Variants in ARHGAP10 observed in about 807,000 individuals in gnomAD.
ARHGAP10 encodes Rho GTPase activating protein 10.
Under a neutral mutation model 108.6 loss-of-function variants are expected in ARHGAP10, and 87 were observed. The ratio of observed to expected loss-of-function variants is 0.80; its 90% CI spans 0.67 to 0.96. The LOEUF is 0.96. Among genes scored for constraint, ARHGAP10 ranks in the 40% least tolerant of loss-of-function variants. The pLI, the probability that ARHGAP10 is intolerant of heterozygous loss-of-function variation, is 0.00. For synonymous variants in ARHGAP10, 347 were observed against 341.1 expected (o/e 1.02, Z -0.19); for missense variants, 939 against 954.5 (o/e 0.98, Z 0.21).
At chr4:147,956,749 CCT>C (rs1491175943) in intron 16 of ARHGAP10, among the ~76,000 whole-genome samples, 1 of 144,248 alleles carries the variant, frequency 6.9e-6, no homozygotes, top group Non-Finnish European at 1.5e-5. Flanking sequence ...TTTTTTTTTT[CCT>C]TTTTTTTTTT....
intron 10 of ARHGAP10, among the ~76,000 whole-genome samples, chr4:147,895,809 G>T (rs1735973814): frequency 6.6e-6 from 1 of 152,120 alleles, no homozygotes; most frequent in Non-Finnish European, 1.5e-5. Context: ...GGTGTTATTG[G>T]CCATCTTGCC....
At chr4:147,975,779 T>C (rs1371927888) in intron 18 of ARHGAP10, among the ~76,000 whole-genome samples, 1 of 152,252 alleles carries the variant, frequency 6.6e-6, no homozygotes, top group Admixed American at 6.5e-5. Context: ...GTTTTCAACA[T>C]ATGAACTCTG....
intron 3 of ARHGAP10, among the ~76,000 whole-genome samples, chr4:147,843,128 T>G (rs536482488): frequency 5.9e-5 from 9 of 152,298 alleles, no homozygotes; most frequent in Admixed American, 2.6e-4. Flanking sequence ...CTTTTCTCCT[T>G]CTATCACAGG....
At chr4:148,069,277 C>T (rs965952806) in intron 22 of ARHGAP10, among the ~76,000 whole-genome samples, 6 of 152,264 alleles carry the variant, frequency 3.9e-5, no homozygotes, top group Middle Eastern at 3.4e-3. Flanking sequence ...TAGCCCACCT[C>T]GCCCACTGCT....
chr4:147,961,649 T>C (rs1203102629), intron 16 of ARHGAP10, among the ~76,000 whole-genome samples: 1 of 152,144 alleles, frequency 6.6e-6, no homozygotes, highest in Non-Finnish European at 1.5e-5. Flanking sequence ...ACAGGTGTTC[T>C]GAAATCCCAC....
chr4:147,895,189 A>T (rs576719435), intron 10 of ARHGAP10, among the ~76,000 whole-genome samples: 7 of 151,998 alleles, frequency 4.6e-5, no homozygotes, highest in South Asian at 2.1e-4. Flanking sequence ...AAATTTTCCT[A>T]AATATTTTAT....
At chr4:147,778,133 G>A (rs567661563) in intron 1 of ARHGAP10, among the ~76,000 whole-genome samples, 3 of 152,124 alleles carry the variant, frequency 2.0e-5, no homozygotes, top group South Asian at 2.1e-4. Flanking sequence ...TCGGTTTAGC[G>A]CTGAGAGGAG....
chr4:147,814,437 G>A (rs1732153673), intron 1 of ARHGAP10, among the ~76,000 whole-genome samples: 1 of 152,116 alleles, frequency 6.6e-6, no homozygotes, highest in African/African-American at 2.4e-5. Context: ...TTACTCCAAT[G>A]GCAGAGGAGT....
intron 13 of ARHGAP10, among the ~76,000 whole-genome samples, chr4:147,914,180 TA>T (rs1736864190): frequency 6.6e-6 from 1 of 152,166 alleles, no homozygotes; most frequent in Admixed American, 6.5e-5. Context: ...TATTGAGGTA[TA>T]ATTTGCAGTC....
At chr4:147,827,388 C>G (rs1426713126) in intron 3 of ARHGAP10, among the ~76,000 whole-genome samples, 3 of 152,056 alleles carry the variant, frequency 2.0e-5, no homozygotes, top group South Asian at 2.1e-4. Context: ...GTGCTTCAGA[C>G]AAGGAATGGG....
At chr4:147,962,027 C>T (rs895790925) in intron 16 of ARHGAP10, among the ~76,000 whole-genome samples, 1 of 152,198 alleles carries the variant, frequency 6.6e-6, no homozygotes, top group African/African-American at 2.4e-5. Flanking sequence ...CTAGTGGTCA[C>T]ACCTCCTGGA....
Position 147,786,080 on chromosome 4 carries a change from G to A in ARHGAP10, c.155-36647G>A, listed in dbSNP as rs1425817040. ...GCTGTTGGTTTCCTAATTTCCAGGTGCATGGTTGCTTTTTTGGTTAAAAGT... is the reference window on the plus strand; with the variant it reads ...GCTGTTGGTTTCCTAATTTCCAGGTACATGGTTGCTTTTTTGGTTAAAAGT... On this transcript the variant is annotated intron_variant, in intron 1 of 22. Transcript: ENST00000336498. 2.0e-5 allele frequency among the ~76,000 whole-genome samples: 3 copies of A among 152,118 alleles called. No individual in the cohort carries two copies. In the South Asian group the frequency reaches 6.2e-4, roughly 32 times the overall value.
chr4:147,863,257 C>T (rs1734403653), intron 5 of ARHGAP10: 1 of 152,248 alleles, frequency 6.6e-6, no homozygotes, highest in South Asian at 2.1e-4. Flanking sequence ...CTCCATTCTC[C>T]CCTGCTCCAG....
chr4:147,829,414 C>G (rs549471787), intron 3 of ARHGAP10, among the ~76,000 whole-genome samples: 4 of 151,700 alleles, frequency 2.6e-5, no homozygotes, highest in Non-Finnish European at 5.9e-5. Context: ...GTCTCAAACT[C>G]CTGACCTCGG....
At chr4:147,874,637 G>A (rs1285300408) in intron 7 of ARHGAP10, among the ~76,000 whole-genome samples, 1 of 152,194 alleles carries the variant, frequency 6.6e-6, no homozygotes, top group Non-Finnish European at 1.5e-5. Context: ...AGTCAGATTG[G>A]TTGTTGCAAA....
intron 18 of ARHGAP10, chr4:148,023,056 T>C: frequency 2.0e-6 from 1 of 492,796 alleles, no homozygotes; most frequent in Non-Finnish European, 3.5e-6. Flanking sequence ...TGTTTTGATT[T>C]AAATTTAATC....
At chr4:148,070,789 C>T (rs1303819040) in intron 22 of ARHGAP10, among the ~76,000 whole-genome samples, 1 of 152,154 alleles carries the variant, frequency 6.6e-6, no homozygotes, top group Admixed American at 6.5e-5. Context: ...TGGAGTAGCT[C>T]ATGCCTCCCC....
intron 18 of ARHGAP10, among the ~76,000 whole-genome samples, chr4:147,992,503 G>C (rs1740316671): frequency 6.6e-6 from 1 of 152,126 alleles, no homozygotes; most frequent in Admixed American, 6.6e-5. Context: ...CGCCTCCCGG[G>C]TTCAAGCCAT....
At chr4:148,008,885 C>T (rs907211022) in intron 18 of ARHGAP10, among the ~76,000 whole-genome samples, 14 of 151,950 alleles carry the variant, frequency 9.2e-5, no homozygotes, top group Non-Finnish European at 1.5e-4. Flanking sequence ...ACAGAGAGTC[C>T]GCTGTCTACT....
Sources: gnomAD v4.1 joint callset for allele counts (sites outside exome capture counted in the v4.1 genomes callset) on GRCh38, gnomAD v4.1.1 for gene constraint, MANE v1.5 for transcripts, NCBI Gene and HGNC (gene_info 2026-07-23, HGNC 2026-07-21) for gene names.